The following SECISBP2L variants were observed in gnomAD, a reference collection of about 807,000 sequenced individuals.
SECISBP2L encodes selenocysteine insertion sequence-binding protein 2-like.
A neutral mutation model predicts 114.7 loss-of-function variants in SECISBP2L; 43 were observed. The ratio of observed to expected loss-of-function variants is 0.38; its 90% CI spans 0.29 to 0.48. The LOEUF (loss-of-function observed/expected upper bound fraction) is 0.48. SECISBP2L is among the 20% of genes least tolerant of loss of function. The pLI is 0.98. For missense variants in SECISBP2L, 1,136 were observed against 1,301.1 expected, an observed-to-expected ratio of 0.87 and a Z score of 1.95; for synonymous variants, 451 against 439.7, an observed-to-expected ratio of 1.03 and a Z score of -0.32.
At chr15:49,044,511 C>G (rs1411892120) in intron 1 of SECISBP2L, among the ~76,000 whole-genome samples, 1 of 152,166 alleles carries the variant, frequency 6.6e-6, no homozygotes, top group African/African-American at 2.4e-5. Context: ...GAGGTGAAGA[C>G]ATCACTTTTC....
At chr15:49,038,699 A>G (rs1903062567) in intron 1 of SECISBP2L, among the ~76,000 whole-genome samples, 1 of 152,182 alleles carries the variant, frequency 6.6e-6, no homozygotes, top group Non-Finnish European at 1.5e-5. Context: ...TTAACAACAA[A>G]TTTAACATTT....
chr15:49,029,744 C>T (rs1271624284), intron 4 of SECISBP2L, among the ~76,000 whole-genome samples: 1 of 152,156 alleles, frequency 6.6e-6, no homozygotes, highest in Non-Finnish European at 1.5e-5. Flanking sequence ...ACTTAATAGA[C>T]AGTTATACTC....
chr15:49,002,869 G>A (rs1195615062), intron 14 of SECISBP2L, among the ~76,000 whole-genome samples: 1 of 152,084 alleles, frequency 6.6e-6, no homozygotes, highest in Non-Finnish European at 1.5e-5. Context: ...TGTAAAGTTT[G>A]AAGTCAGGTA....
chr15:49,026,854 C>G (rs1902753385), intron 7 of SECISBP2L, among the ~76,000 whole-genome samples: 1 of 152,340 alleles, frequency 6.6e-6, no homozygotes, highest in Non-Finnish European at 1.5e-5. Context: ...ATGGGTAGTT[C>G]ATGGCAGTGC....
Position 49,037,649 on chromosome 15 carries a change from G to A in SECISBP2L, c.145C>T (p.Pro49Ser). 6.2e-7 allele frequency: 1 copy of A among 1,613,868 alleles called. No individual in the cohort carries two copies. The highest frequency in any genetic ancestry group is 2.2e-5 in the East Asian group (1 of 44,856). The change falls in exon 2 of 18, where the codon CCA becomes TCA. Residue 49 changes from proline to serine, a missense_variant. By Grantham distance (74) the Pro-to-Ser change is moderately conservative. Transcript: ENST00000559471. ...CAAGTAATCAGGTAGCTGGGAATTG[G>A]AGTTGGTTCCACACCAGAAACACTT... ...NGSVSGVEPT[P>S]IPSYLITCYP...
chr15:49,001,644 G>C (rs997981903), intron 14 of SECISBP2L: 1 of 152,502 alleles, frequency 6.6e-6, no homozygotes, highest in Non-Finnish European at 1.5e-5. Flanking sequence ...CCCGGTGTGT[G>C]ATGTTCCCCT....
chr15:49,034,420 CTTT>C (rs75869456), intron 3 of SECISBP2L, among the ~76,000 whole-genome samples: 1 of 143,628 alleles, frequency 7.0e-6, no homozygotes. Flanking sequence ...TCATTTCTTT[CTTT>C]TTTTTTTTTT....
chr15:49,046,442 C>G lies in SECISBP2L; in HGVS notation c.-143G>C. On this transcript the variant is annotated 5_prime_UTR_variant, in exon 1 of 18. Transcript: ENST00000559471. ...TGGCCGCGACACCGATTCGGCTACG[C>G]CACTGGCCGAGGAGGCGGCTCCAGC... The G allele has an allele frequency of 1.1e-6, 1 of 914,968 alleles. No homozygotes were observed. The highest frequency in any genetic ancestry group is 1.5e-6 in the Non-Finnish European group (1 of 654,080). The allele number at this position is 914,968 out of a possible 1,614,324, so 56.7% of individuals were successfully genotyped here. A position where few individuals can be genotyped will look rare whatever the true frequency, so the allele number is the denominator to read the frequency against.
intron 7 of SECISBP2L, among the ~76,000 whole-genome samples, chr15:49,022,928 C>T (rs935173294): frequency 6.6e-6 from 1 of 151,714 alleles, no homozygotes; most frequent in African/African-American, 2.4e-5. Flanking sequence ...AAAAGCAAGG[C>T]CATGAATACA....
At chr15:49,023,945 T>C (rs564941119) in intron 7 of SECISBP2L, among the ~76,000 whole-genome samples, 1 of 152,232 alleles carries the variant, frequency 6.6e-6, no homozygotes, top group Non-Finnish European at 1.5e-5. Flanking sequence ...ATGAGACTTT[T>C]ACATTGTATA....
At chr15:49,041,755 G>A (rs1050728260) in intron 1 of SECISBP2L, among the ~76,000 whole-genome samples, 8 of 152,150 alleles carry the variant, frequency 5.3e-5, no homozygotes, top group Admixed American at 6.5e-5. Flanking sequence ...TATGACCATG[G>A]AAACCCTCCA....
intron 11 of SECISBP2L, among the ~76,000 whole-genome samples, chr15:49,014,771 AATT>A (rs1356452039): frequency 5.4e-5 from 8 of 148,116 alleles, no homozygotes; most frequent in East Asian, 1.9e-4. Context: ...AATTTATAGT[AATT>A]ATATCATATT....
chr15:49,011,958 C>G (rs1337705492), intron 12 of SECISBP2L, 95 bp from the exon 13 acceptor site: 2 of 1,375,668 alleles, frequency 1.5e-6, no homozygotes, highest in African/African-American at 2.9e-5. Flanking sequence ...TGGTAGTTCA[C>G]TTAAACATGA....
intron 4 of SECISBP2L, among the ~76,000 whole-genome samples, chr15:49,029,598 A>G (rs1902839612): frequency 6.6e-6 from 1 of 152,206 alleles, no homozygotes; most frequent in Non-Finnish European, 1.5e-5. Context: ...ACTAAGAACA[A>G]TAGTACTGTT....
At chr15:49,034,523 G>A (rs895913894) in intron 3 of SECISBP2L, among the ~76,000 whole-genome samples, 12 of 151,370 alleles carry the variant, frequency 7.9e-5, no homozygotes, top group African/African-American at 2.9e-4. Flanking sequence ...TCATATAAAA[G>A]TAAAGCACCT....
chr15:49,000,031 A>G (rs761336128), intron 15 of SECISBP2L, 44 bp from the exon 16 acceptor site: 4 of 1,603,282 alleles, frequency 2.5e-6, no homozygotes, highest in South Asian at 1.1e-5. Context: ...TGTTGCCTAC[A>G]TGGAGCTAAT....
chr15:49,016,950 T>C lies in SECISBP2L; in HGVS notation c.1317A>G (p.Ser439=), dbSNP rs146405184. Residue 439 remains serine, a synonymous_variant, in exon 10 of 18, where the codon TCA becomes TCG. Transcript: ENST00000559471. ...TCTGACTTTTTGCACGTTTGGGAAC[T>C]GAGGTGGTAATAGGAATTGGAGTCT... ...IVQTPIPITT[S]VPKRAKSQKK... is the part of the protein sequence containing the mutation. 3.3e-5 allele frequency: 54 copies of C among 1,614,064 alleles called. No homozygotes were observed. The African/African-American group carries it at 6.8e-4, about 20-fold the overall frequency.
In SECISBP2L at chr15:49,037,661, C is replaced by CA; in HGVS notation, c.132dup (p.Val45CysfsTer24). The CA allele has an allele frequency of 6.2e-7, 1 of 1,613,904 alleles. No individual in the cohort carries two copies. The highest frequency in any genetic ancestry group is 2.2e-5 in the East Asian group (1 of 44,854). On this transcript the variant is annotated frameshift_variant, in exon 2 of 18. Transcript: ENST00000559471. LOFTEE classifies it high-confidence loss of function. The stretch of plus-strand genomic sequence containing the variant: ...TAGCTGGGAATTGGAGTTGGTTCCA[C>CA]ACCAGAAACACTTCCATTATCATTT...
intron 13 of SECISBP2L, among the ~76,000 whole-genome samples, chr15:49,010,124 G>GACAC (rs61663836): frequency 9.0e-4 from 125 of 138,828 alleles, no homozygotes; most frequent in South Asian, 7.1e-3. Flanking sequence ...AACAGAGGCA[G>GACAC]ACACACACAC....
Sources: gnomAD v4.1 joint callset for allele counts (sites outside exome capture counted in the v4.1 genomes callset) on GRCh38, gnomAD v4.1.1 for gene constraint, MANE v1.5 for transcripts, NCBI Gene and HGNC (gene_info 2026-07-23, HGNC 2026-07-21) for gene names.